Variants in NIN observed in about 807,000 individuals in gnomAD.
The protein encoded by NIN is glycogen synthase kinase 3 beta-interacting protein.
Under a neutral mutation model 257.6 loss-of-function variants are expected in NIN, and 137 were observed. The observed-to-expected ratio is 0.53, with a 90% CI of 0.46 to 0.61. The LOEUF (loss-of-function observed/expected upper bound fraction) is 0.61. NIN is among the 20% of genes least tolerant of loss of function. The pLI is 0.00. For missense variants in NIN, 2,439 were observed against 2,501.2 expected (o/e 0.98, Z 0.53); for synonymous variants, 918 against 919.8 (o/e 1.00, Z 0.04).
intron 4 of NIN, among the ~76,000 whole-genome samples, chr14:50,795,841 T>C (rs2043814511): frequency 6.6e-6 from 1 of 151,934 alleles, no homozygotes; most frequent in Admixed American, 6.5e-5. Flanking sequence ...TAGCCAGGCG[T>C]GGCGGCTCGT....
At chr14:50,800,754 G>C (rs182776696) in intron 4 of NIN, among the ~76,000 whole-genome samples, 5 of 151,044 alleles carry the variant, frequency 3.3e-5, no homozygotes, top group Admixed American at 2.7e-4. Context: ...GGCACTGGTG[G>C]TGGTAGTGGT....
intron 3 of NIN, among the ~76,000 whole-genome samples, chr14:50,811,363 C>T (rs2044595195): frequency 1.3e-5 from 2 of 151,890 alleles, no homozygotes; most frequent in South Asian, 4.2e-4. Flanking sequence ...CCCGTCACGG[C>T]CTCCCAAAGT....
chr14:50,791,400 T>G (rs1340849063), intron 5 of NIN, among the ~76,000 whole-genome samples: 1 of 152,152 alleles, frequency 6.6e-6, no homozygotes, highest in Non-Finnish European at 1.5e-5. Context: ...TTTTTCTATT[T>G]TCAGCTGTCA....
chr14:50,756,476 A>G lies in NIN; in HGVS notation c.4538+16T>C. On this transcript the variant is annotated intron_variant, in intron 18 of 30. Transcript: ENST00000530997. The stretch of plus-strand genomic sequence containing the variant: ...GCTCTGTGGGATTCGTGACGTCTAG[A>G]AGGTACATACATTACCTCAGAAGTT... 2 of 1,569,618 alleles carry G rather than the reference A, an allele frequency of 1.3e-6. No individual in the cohort carries two copies. The highest frequency in any genetic ancestry group is 8.6e-7 in the Non-Finnish European group (1 of 1,161,600).
chr14:50,792,963 C>T (rs2043665745), intron 4 of NIN, 82 bp from the exon 5 acceptor site: 1 of 1,400,290 alleles, frequency 7.1e-7, no homozygotes, highest in Non-Finnish European at 9.9e-7. Context: ...CGGACACAGC[C>T]TCTTATACCA....
In NIN at chr14:50,722,644, C is replaced by G. The variant is rs866498610; in HGVS notation, c.*819G>C. The G allele has an allele frequency of 4.6e-6, 1 of 215,734 alleles. No individual in the cohort carries two copies. The highest frequency in any genetic ancestry group is 9.4e-6 in the Non-Finnish European group (1 of 106,610). The allele number at this position is 215,734 out of a possible 1,614,324, so 13.4% of individuals were successfully genotyped here. The stretch of plus-strand genomic sequence containing the variant: ...AAACCTACATGGTCTGCTTATCCCT[C>G]TTTTCTAAGAGTAGCTATTTACTCC... On this transcript the variant is annotated 3_prime_UTR_variant, in exon 31 of 31. Coordinates refer to ENST00000530997, the MANE Select transcript of NIN (RefSeq NM_020921.4).
chr14:50,822,023 G>C lies in NIN; in HGVS notation c.34C>G (p.Arg12Gly). The change falls in exon 3 of 31, where the codon CGA (arginine) becomes GGA (glycine). Residue 12 changes from arginine to glycine, a missense_variant. Arg to Gly is a moderately radical substitution (Grantham distance 125). Around this residue, in one of 3 missense-constraint regions of NIN, gnomAD observed 387 missense variants for 427.3 expected, o/e 0.91. Coordinates refer to ENST00000530997, the MANE Select transcript of NIN (RefSeq NM_020921.4). ...AAACTGTCAAACAGCTCCTTGAGTC[G>C]GGCCTCATGCTGGTCCTGCTCCACC... The part of the protein sequence containing the change: ...DEVEQDQHEA[R>G]LKELFDSFDT... 6.2e-7 allele frequency: 1 copy of C among 1,613,940 alleles called. No homozygotes were observed. Among genetic ancestry groups the C allele is most frequent in the South Asian group, 1.1e-5 (1 of 91,072 alleles).
intron 22 of NIN, among the ~76,000 whole-genome samples, chr14:50,746,999 C>T (rs1342413680): frequency 2.0e-5 from 3 of 152,170 alleles, no homozygotes; most frequent in African/African-American, 7.2e-5. Context: ...GTAGCTGGGA[C>T]TACAGGTGCA....
intron 2 of NIN, among the ~76,000 whole-genome samples, chr14:50,824,395 C>T (rs1468321725): frequency 1.3e-5 from 2 of 152,122 alleles, no homozygotes; most frequent in African/African-American, 4.8e-5. Flanking sequence ...TCATCTCCTT[C>T]CTTCTCAAAA....
intron 5 of NIN, among the ~76,000 whole-genome samples, chr14:50,780,368 T>C (rs2043086797): frequency 2.6e-5 from 4 of 152,252 alleles, no homozygotes; most frequent in Admixed American, 2.6e-4. Flanking sequence ...ACAAGACTAG[T>C]TGATTGCTTA....
chr14:50,796,975 G>A (rs2043868020), intron 4 of NIN, among the ~76,000 whole-genome samples: 1 of 152,230 alleles, frequency 6.6e-6, no homozygotes, highest in Admixed American at 6.5e-5. Flanking sequence ...CCTAAGGGAA[G>A]CTAAAATCAT....
At chr14:50,746,034 TAAAA>T (rs35691375) in intron 22 of NIN, among the ~76,000 whole-genome samples, 4 of 135,410 alleles carry the variant, frequency 3.0e-5, no homozygotes, top group Non-Finnish European at 3.2e-5. Flanking sequence ...AATGCTTGTT[TAAAA>T]AAAAAAAAAA....
intron 19 of NIN, 40 bp downstream of exon 19, chr14:50,754,702 T>C: frequency 1.9e-6 from 3 of 1,579,368 alleles, no homozygotes; most frequent in Non-Finnish European, 2.6e-6. Flanking sequence ...ATTTTAGTCT[T>C]TGCAAAAATG....
rs761941292 is a variant in NIN, at chr14:50,777,036, A to C, written c.579T>G (p.Asp193Glu). ...GGTGACCATCACGGGTGATCCCCAA[A>C]TCTTCACAAACTTCTTGCAGTTTCT... Reference protein sequence around the residue: ...IEEKLQEVCEDLGITRDGHLN... With the variant: ...IEEKLQEVCEELGITRDGHLN... The change falls in exon 7 of 31, where the codon GAT becomes GAG. Residue 193 changes from aspartate to glutamate, a missense_variant. This residue lies in a region of NIN where 387 missense variants were observed against 427.3 expected (regional missense o/e 0.91). Coordinates refer to ENST00000530997, the MANE Select transcript of NIN (RefSeq NM_020921.4). 4.3e-6 allele frequency: 7 copies of C among 1,614,222 alleles called. No individual in the cohort carries two copies. Among genetic ancestry groups the C allele is most frequent in the Non-Finnish European group, 5.9e-6 (7 of 1,180,042 alleles).
At chr14:50,778,418 T>C (rs1029238897) in intron 6 of NIN, among the ~76,000 whole-genome samples, 7 of 152,206 alleles carry the variant, frequency 4.6e-5, no homozygotes, top group African/African-American at 1.2e-4. Context: ...TCCTCCTGCC[T>C]TGGCCTCCCA....
At chr14:50,739,264 G>A (rs779533076) in intron 26 of NIN, 44 bp downstream of exon 26, 2 of 1,581,078 alleles carry the variant, frequency 1.3e-6, no homozygotes, top group South Asian at 1.1e-5. Flanking sequence ...TATCAAACTA[G>A]TCATTTTCAA....
At chr14:50,821,654 A>C (rs1212626076) in intron 3 of NIN, among the ~76,000 whole-genome samples, 1 of 152,212 alleles carries the variant, frequency 6.6e-6, no homozygotes, top group Non-Finnish European at 1.5e-5. Context: ...TTTATCTAAG[A>C]TGCTCACTGT....
chr14:50,794,134 C>A (rs2142042939), intron 4 of NIN, among the ~76,000 whole-genome samples: 1 of 152,292 alleles, frequency 6.6e-6, no homozygotes, highest in South Asian at 2.1e-4. Context: ...TTAGCCATTA[C>A]TTTACAGTTT....
At chr14:50,795,378 C>T (rs775353930) in intron 4 of NIN, among the ~76,000 whole-genome samples, 2 of 152,208 alleles carry the variant, frequency 1.3e-5, no homozygotes, top group Non-Finnish European at 2.9e-5. Context: ...TAACGATGTT[C>T]AGAGAGAACA....
Sources: allele counts gnomAD v4.1 joint callset (sites outside exome capture counted in the v4.1 genomes callset), GRCh38; gene constraint gnomAD v4.1.1; regional missense constraint gnomAD v4.1.1; transcripts MANE v1.5; gene names NCBI Gene and HGNC (gene_info 2026-07-23, HGNC 2026-07-21).